The following VSTM1 variants were observed in gnomAD, a reference collection of about 807,000 sequenced individuals.
The protein encoded by VSTM1 is V-set and transmembrane domain containing 1.
VSTM1 carries 27 observed loss-of-function variants against 33.1 expected under a neutral mutation model. The observed-to-expected ratio is 0.82, with a 90% confidence interval of 0.60 to 1.12. The LOEUF (loss-of-function observed/expected upper bound fraction) is 1.12, where lower values mean the gene tolerates loss of function less well. VSTM1 is among the 50% of genes most tolerant of loss of function. The pLI, the probability that VSTM1 is intolerant of heterozygous loss-of-function variation, is 0.00. For missense variants in VSTM1, 304 were observed against 288.9 expected, an observed-to-expected ratio of 1.05 and a Z score of -0.38; for synonymous variants, 115 against 110.3, an observed-to-expected ratio of 1.04 and a Z score of -0.27.
In VSTM1 at chr19:54,063,792, C is replaced by T. The variant is rs1568488425; in HGVS notation, c.-15G>A. ...TCTGCGGTCATAGCGTCCCTTCTGC[C>T]AGAACCAAGGCCCCGCCTTGGGTTT... On this transcript the variant is annotated 5_prime_UTR_variant, in exon 1 of 9. Coordinates refer to ENST00000338372, the MANE Select transcript of VSTM1 (RefSeq NM_198481.4). The T allele has an allele frequency of 2.5e-6, 4 of 1,613,556 alleles. No homozygotes were observed. Among genetic ancestry groups the T allele is most frequent in the East Asian group, 4.5e-5 (2 of 44,854 alleles).
chr19:54,046,167 TTATC>T (rs1445738328), intron 4 of VSTM1, among the ~76,000 whole-genome samples: 2 of 152,338 alleles, frequency 1.3e-5, no homozygotes, highest in East Asian at 3.9e-4. Flanking sequence ...TCATATCTAG[TTATC>T]TATTTATCTG....
chr19:54,043,489 G>T (rs963323319), intron 4 of VSTM1, among the ~76,000 whole-genome samples: 1 of 151,582 alleles, frequency 6.6e-6, no homozygotes, highest in East Asian at 1.9e-4. Context: ...TTGGCTCACT[G>T]CAAGCTCCGC....
rs1237750644 is a variant in VSTM1, at chr19:54,058,348, C to T, written c.313G>A (p.Glu105Lys). The change falls in exon 3 of 9, where the codon GAG becomes AAG. Residue 105 changes from glutamate (E) to lysine (K), a missense_variant. Transcript: ENST00000338372. ...AAGTGTTCACTGCTTTCTGACCACT[C>T]ATGGGAGGCTGTTGTCTTGTAGGCA... The part of the protein sequence containing the change: ...FCAYKTTASH[E>K]WSESSEHLQL... The T allele has an allele frequency of 6.2e-7, 1 of 1,613,988 alleles. No individual in the cohort carries two copies. The highest frequency in any genetic ancestry group is 1.3e-5 in the African/African-American group (1 of 74,910).
chr19:54,062,780 C>A (rs1417680976), intron 1 of VSTM1, among the ~76,000 whole-genome samples: 1 of 151,828 alleles, frequency 6.6e-6, no homozygotes, highest in African/African-American at 2.4e-5. Context: ...GAGCATTACC[C>A]CACAAGGAAG....
chr19:54,046,842 C>T (rs1453550404), intron 4 of VSTM1, among the ~76,000 whole-genome samples: 3 of 152,122 alleles, frequency 2.0e-5, no homozygotes, highest in African/African-American at 7.2e-5. Flanking sequence ...CTGAGGGACA[C>T]AGATATCCCA....
intron 4 of VSTM1, among the ~76,000 whole-genome samples, chr19:54,050,289 T>C (rs1256601358): frequency 1.3e-5 from 2 of 151,828 alleles, no homozygotes; most frequent in African/African-American, 4.8e-5. Context: ...GTGAGCCACC[T>C]CGCCTGGCCC....
In VSTM1 at chr19:54,063,892, A is replaced by G. The variant is rs373976523; in HGVS notation, c.-115T>C. 4.3e-6 allele frequency: 5 copies of G among 1,156,836 alleles called. No individual in the cohort carries two copies. The highest frequency in any genetic ancestry group is 2.8e-5 in the East Asian group (1 of 36,060). 71.7% of individuals were successfully genotyped at this position (1,156,836 alleles called of 1,614,324 possible). Reference sequence around the variant, plus strand: ...CCCGGTTCGTCCCCAGGATGTGCAGATAGAGGAGGTTTTGCTCTGACACTC... The same window carrying G: ...CCCGGTTCGTCCCCAGGATGTGCAGGTAGAGGAGGTTTTGCTCTGACACTC... On this transcript the variant is annotated 5_prime_UTR_variant, in exon 1 of 9. Transcript: ENST00000338372.
At chr19:54,047,354 G>A (rs2070646252) in intron 4 of VSTM1, among the ~76,000 whole-genome samples, 1 of 151,712 alleles carries the variant, frequency 6.6e-6, no homozygotes, top group African/African-American at 2.4e-5. Context: ...GAGTGCAGTG[G>A]TACAATCTCG....
intron 4 of VSTM1, among the ~76,000 whole-genome samples, chr19:54,043,600 C>T (rs1170632771): frequency 1.3e-5 from 2 of 151,962 alleles, no homozygotes; most frequent in African/African-American, 2.4e-5. Context: ...TTAGTAGAGA[C>T]GGGGTTTCGC....
chr19:54,062,582 G>C (rs1036425955), intron 1 of VSTM1, among the ~76,000 whole-genome samples: 8 of 152,062 alleles, frequency 5.3e-5, no homozygotes, highest in Non-Finnish European at 1.2e-4. Flanking sequence ...AAATTAGCCA[G>C]GCGTGGTGGC....
intron 3 of VSTM1, among the ~76,000 whole-genome samples, chr19:54,052,717 C>G (rs2070913929): frequency 7.0e-6 from 1 of 141,886 alleles, no homozygotes; most frequent in South Asian, 2.3e-4. Flanking sequence ...GATTGTATAC[C>G]TTGAATATAT....
chr19:54,062,836 G>T (rs940259311), intron 1 of VSTM1, among the ~76,000 whole-genome samples: 1 of 152,106 alleles, frequency 6.6e-6, no homozygotes, highest in Non-Finnish European at 1.5e-5. Context: ...GACGAAGCAC[G>T]TCGATGTCCA....
chr19:54,042,802 A>ATG (rs1330030375), intron 4 of VSTM1, among the ~76,000 whole-genome samples: 1,797 of 79,486 alleles, frequency 0.023, 37 homozygotes, highest in African/African-American at 0.061. Context: ...GTATATATAA[A>ATG]TGTGTATATA....
intron 3 of VSTM1, among the ~76,000 whole-genome samples, chr19:54,057,062 G>T (rs549519881): frequency 7.2e-6 from 1 of 139,286 alleles, no homozygotes; most frequent in Non-Finnish European, 1.6e-5. Context: ...CACCATGTTG[G>T]CCAGGCTGGT....
chr19:54,052,273 C>A (rs1307418206), intron 3 of VSTM1, among the ~76,000 whole-genome samples: 1 of 149,528 alleles, frequency 6.7e-6, no homozygotes, highest in Non-Finnish European at 1.5e-5. Context: ...TGGCGGGCCC[C>A]TGTAGTCCCA....
chr19:54,058,827 A>ATT (rs2071241440), intron 1 of VSTM1, 95 bp from the exon 2 acceptor site: 3 of 415,136 alleles, frequency 7.2e-6, no homozygotes, highest in African/African-American at 2.6e-5. Flanking sequence ...TAGGTCTGAG[A>ATT]TATATATATA....
At chr19:54,041,642 G>A in intron 8 of VSTM1, 137 bp downstream of exon 8, 2 of 987,150 alleles carry the variant, frequency 2.0e-6, no homozygotes, top group Non-Finnish European at 3.0e-6. Context: ...TTCCCATTAG[G>A]GGAGTTTCGT....
At chr19:54,047,242 A>G (rs1352161862) in intron 4 of VSTM1, among the ~76,000 whole-genome samples, 1 of 152,064 alleles carries the variant, frequency 6.6e-6, no homozygotes, top group Non-Finnish European at 1.5e-5. Flanking sequence ...TTTCACACTA[A>G]TGCTGTCTAA....
chr19:54,053,621 G>C (rs1445720811), intron 3 of VSTM1, among the ~76,000 whole-genome samples: 2 of 141,604 alleles, frequency 1.4e-5, no homozygotes, highest in East Asian at 4.0e-4. Flanking sequence ...CAAGCCTCCA[G>C]ATGAGCCAGA....
Sources: gnomAD v4.1 joint callset for allele counts (sites outside exome capture counted in the v4.1 genomes callset) on GRCh38, gnomAD v4.1.1 for gene constraint, MANE v1.5 for transcripts, NCBI Gene and HGNC (gene_info 2026-07-23, HGNC 2026-07-21) for gene names.